LYST: variants seen among roughly 807,000 people sequenced by gnomAD.
LYST encodes the protein lysosomal trafficking regulator.
LYST carries 192 observed loss-of-function variants against 413.6 expected under a neutral mutation model. The ratio of observed to expected loss-of-function variants is 0.46; its 90% CI spans 0.41 to 0.52. The LOEUF (loss-of-function observed/expected upper bound fraction) is 0.52. LYST is among the 20% of genes least tolerant of loss of function. The pLI is 0.00. For missense variants in LYST, 3,815 were observed against 4,499.9 expected, an observed-to-expected ratio of 0.85 and a Z score of 4.35; for synonymous variants, 1,525 against 1,567.3, an observed-to-expected ratio of 0.97 and a Z score of 0.64.
At chr1:235,795,569 T>C (rs1179639579) in intron 10 of LYST, among the ~76,000 whole-genome samples, 2 of 152,130 alleles carry the variant, frequency 1.3e-5, no homozygotes, top group African/African-American at 4.8e-5. Context: ...TGTAGGGTAA[T>C]AGTATCCCTA....
At chr1:235,722,780 G>A (rs549894161) in intron 39 of LYST, among the ~76,000 whole-genome samples, 4 of 152,240 alleles carry the variant, frequency 2.6e-5, no homozygotes, top group East Asian at 3.9e-4. Context: ...CACTGTGCCC[G>A]GCCCTGAGCA....
chr1:235,712,290 G>T lies in LYST; in HGVS notation c.9785-93C>A, dbSNP rs1445719389. On this transcript the variant is annotated intron_variant, in intron 42 of 52. Transcript: ENST00000389793. ...TAATTTACTTTTGCCACTTCAAAAAGATTAAAATAATGCTAATTTTGTTTG... is the reference window on the plus strand; with the variant it reads ...TAATTTACTTTTGCCACTTCAAAAATATTAAAATAATGCTAATTTTGTTTG... 5 of 911,108 alleles carry T rather than the reference G, an allele frequency of 5.5e-6. No homozygotes were observed. In the Admixed American group the frequency reaches 1.0e-4, roughly 19 times the overall value. 56.4% of individuals were successfully genotyped at this position (911,108 alleles called of 1,614,324 possible).
intron 14 of LYST, 147 bp from the exon 15 acceptor site, chr1:235,782,234 T>C (rs2103481827): frequency 1.5e-6 from 1 of 681,950 alleles, no homozygotes; most frequent in South Asian, 1.9e-5. Flanking sequence ...GTTGGCACGA[T>C]CTCAGCTCAC....
At chr1:235,789,077 TA>T (rs1443646538) in intron 12 of LYST, among the ~76,000 whole-genome samples, 1 of 152,078 alleles carries the variant, frequency 6.6e-6, no homozygotes, top group African/African-American at 2.4e-5. Flanking sequence ...TATTAGATAT[TA>T]AAAAATGTAT....
At chr1:235,826,880 G>T (rs1230677077) in intron 3 of LYST, among the ~76,000 whole-genome samples, 1 of 151,710 alleles carries the variant, frequency 6.6e-6, no homozygotes, top group Non-Finnish European at 1.5e-5. Context: ...ATGGGGTTTT[G>T]CCATGTTGCC....
intron 27 of LYST, 72 bp downstream of exon 27, chr1:235,751,933 G>C: frequency 3.9e-6 from 4 of 1,027,302 alleles, no homozygotes; most frequent in Non-Finnish European, 6.0e-6. Flanking sequence ...TAAGAAGAAA[G>C]AGATTGTGCT....
In LYST at chr1:235,730,567, A is replaced by ATGTGTG. The variant is rs4006790; in HGVS notation, c.9044+274_9044+279dup. Among the ~76,000 whole-genome samples, 24 of 137,624 alleles carry ATGTGTG rather than the reference A, an allele frequency of 1.7e-4. 1 individual carries two copies. The highest frequency in any genetic ancestry group is 1.3e-3 in the East Asian group (6 of 4,716). The allele number at this position is 137,624 out of a possible 152,430, so 90.3% of individuals were successfully genotyped here. On this transcript the variant is annotated intron_variant, in intron 36 of 52. Transcript: ENST00000389793. ...TATGTGTATATATATACATATTTAT[A>ATGTGTG]TGTGTGTGTGTGTGTGTGTGTGTGT...
chr1:235,851,180 ATG>A (rs1044759090), intron 1 of LYST, among the ~76,000 whole-genome samples: 4 of 130,230 alleles, frequency 3.1e-5, no homozygotes, highest in African/African-American at 1.1e-4. Flanking sequence ...ATGTATGTAT[ATG>A]TGTGTGTATA....
chr1:235,757,207 T>G, intron 24 of LYST, 74 bp downstream of exon 24: 1 of 965,352 alleles, frequency 1.0e-6, no homozygotes, highest in African/African-American at 1.6e-5. Context: ...CTTTAATGTA[T>G]ATACTCAAAA....
chr1:235,727,955 T>G, intron 38 of LYST, 121 bp downstream of exon 38: 1 of 767,998 alleles, frequency 1.3e-6, no homozygotes. Flanking sequence ...CAGACCAATC[T>G]ATACATAGAG....
intron 50 of LYST, among the ~76,000 whole-genome samples, chr1:235,670,464 G>A (rs1323469207): frequency 1.3e-5 from 2 of 152,192 alleles, no homozygotes; most frequent in Non-Finnish European, 2.9e-5. Flanking sequence ...GCACATCTGG[G>A]ATCCCATTCT....
At chr1:235,869,336 G>C (rs534179442), upstream of LYST, among the ~76,000 whole-genome samples, 12 of 152,300 alleles carry the variant, frequency 7.9e-5, no homozygotes, top group Non-Finnish European at 1.5e-4. Context: ...GCCGGGCGCG[G>C]TGGCGGACGC....
intron 47 of LYST, among the ~76,000 whole-genome samples, chr1:235,692,732 C>T (rs554287370): frequency 2.0e-5 from 3 of 151,614 alleles, no homozygotes; most frequent in East Asian, 4.0e-4. Context: ...ACCACAAAAA[C>T]GTTTACATGG....
At chr1:235,717,242 A>T (rs1209027840) in intron 40 of LYST, among the ~76,000 whole-genome samples, 1 of 152,248 alleles carries the variant, frequency 6.6e-6, no homozygotes, top group Non-Finnish European at 1.5e-5. Context: ...AGTTAGTTAA[A>T]ACTGAAGAAA....
At chr1:235,775,203 T>G in intron 17 of LYST, 117 bp from the exon 18 acceptor site, 1 of 766,788 alleles carries the variant, frequency 1.3e-6, no homozygotes, top group Admixed American at 2.1e-5. Flanking sequence ...AGTATTTTTT[T>G]AATGCTCATA....
rs1353179600 is a variant in LYST, at chr1:235,808,930, G to C, written c.1888C>G (p.Pro630Ala). 6.2e-6 allele frequency: 10 copies of C among 1,611,870 alleles called. No homozygotes were observed. In the Admixed American group the frequency reaches 1.5e-4, roughly 24 times the overall value. ...TTACAAGCTGCTTTTTTAATTTTTG[G>C]TGATATCTCTGCTCCTCCTAACTGA... ...LDQLGGAEIS[P>A]KIKKAACNIC... Residue 630 changes from proline to alanine, a missense_variant, in exon 5 of 53, where the codon CCA becomes GCA. By Grantham distance (27) the Pro-to-Ala change is conservative (BLOSUM62 -1). Coordinates refer to ENST00000389793, the MANE Select transcript of LYST (RefSeq NM_000081.4).
At chr1:235,732,749 T>C (rs1350186219) in intron 34 of LYST, among the ~76,000 whole-genome samples, 2 of 152,234 alleles carry the variant, frequency 1.3e-5, no homozygotes, top group Non-Finnish European at 2.9e-5. Flanking sequence ...ATTTGTCTTA[T>C]GTGAGGAATG....
rs80338663 is a variant in LYST at position 235,734,590 on chromosome 1, C to T, written c.8428G>A (p.Glu2810Lys). The T allele has an allele frequency of 6.2e-7, 1 of 1,613,108 alleles. No individual in the cohort carries two copies. The highest frequency in any genetic ancestry group is 1.7e-5 in the Admixed American group (1 of 60,000). ...HNHQGELTEE[E>K]LGTAELLMNA... is the part of the protein sequence containing the mutation. ...ATAAGCAGTTCTGCTGTGCCTAGCT[C>T]TTCTTCAGTCAATTCACCTTGGTGA... Residue 2810 changes from glutamate to lysine, a missense_variant, in exon 32 of 53, where the codon GAG becomes AAG. Glu to Lys is a moderately conservative substitution (Grantham distance 56). Transcript: ENST00000389793.
At chr1:235,757,259 CA>C in intron 24 of LYST, 21 bp downstream of exon 24, 1 of 1,547,266 alleles carries the variant, frequency 6.5e-7, no homozygotes, top group East Asian at 2.3e-5. Flanking sequence ...ATTAAAATAA[CA>C]TATCTAGTAT....
Sources: gnomAD v4.1 joint callset for allele counts (sites outside exome capture counted in the v4.1 genomes callset) on GRCh38, gnomAD v4.1.1 for gene constraint, MANE v1.5 for transcripts, NCBI Gene and HGNC (gene_info 2026-07-23, HGNC 2026-07-21) for gene names.